The following TRIO variants were observed in gnomAD, a reference collection of about 807,000 sequenced individuals.
TRIO encodes trio Rho guanine nucleotide exchange factor, also known as triple functional domain protein.
TRIO carries 58 observed loss-of-function variants against 351.9 expected under a neutral mutation model. The observed-to-expected ratio is 0.16, with a 90% CI of 0.13 to 0.21. The LOEUF (loss-of-function observed/expected upper bound fraction) is 0.21, where lower values mean the gene tolerates loss of function less well. Ranked by LOEUF, TRIO falls within the 10% of genes least tolerant of loss-of-function variation. The pLI is 1.00. For synonymous variants in TRIO, 1,758 were observed against 1,595.7 expected (o/e 1.10, Z -2.42); for missense variants, 3,201 against 4,027.8 (o/e 0.79, Z 5.56).
At chr5:14,146,970 G>A (rs916402634) in intron 1 of TRIO, among the ~76,000 whole-genome samples, 1 of 152,130 alleles carries the variant, frequency 6.6e-6, no homozygotes, top group Non-Finnish European at 1.5e-5. Context: ...TATAGACCTG[G>A]CATGAAGCAG....
chr5:14,379,808 G>T (rs886773506), intron 20 of TRIO, among the ~76,000 whole-genome samples: 10 of 152,220 alleles, frequency 6.6e-5, no homozygotes, highest in Admixed American at 1.3e-4. Flanking sequence ...ATCCTGAAGT[G>T]CGTGCTGTTG....
At position 14,504,382 on chromosome 5, in the gene TRIO, A is replaced by G. The variant is rs750129783; in HGVS notation, c.8412-11A>G. On this transcript the variant is annotated splice_polypyrimidine_tract_variant and intron_variant, in intron 54 of 56. Transcript: ENST00000344204. ...AGCCTCTGCAAATGGTCCCCCTGAC[A>G]TATTTTACAGGGGCAGATTCTCTGT... 1.5e-5 allele frequency: 25 copies of G among 1,613,866 alleles called. No individual in the cohort carries two copies. In the East Asian group the frequency reaches 2.9e-4, roughly 19 times the overall value.
rs1791682405 is a variant in TRIO, at chr5:14,208,599, T to G, written c.158-62226T>G. ...AAAGCCTGAAGATGTCTCTGTGCTT[T>G]GAGTCCTTATGTAAGCAACTGTAAT... is the stretch of plus-strand genomic sequence containing the variant. On this transcript the variant is annotated intron_variant, in intron 1 of 56. Transcript: ENST00000344204. 4.6e-5 allele frequency among the ~76,000 whole-genome samples: 7 copies of G among 152,366 alleles called. No homozygotes were observed. In the South Asian group the frequency reaches 1.4e-3, roughly 32 times the overall value.
At chr5:14,150,837 G>T (rs1019999369) in intron 1 of TRIO, among the ~76,000 whole-genome samples, 1 of 152,146 alleles carries the variant, frequency 6.6e-6, no homozygotes, top group Non-Finnish European at 1.5e-5. Flanking sequence ...ATTGCCCGGG[G>T]GTGATCTAGG....
intron 11 of TRIO, among the ~76,000 whole-genome samples, chr5:14,343,384 C>T (rs1013630973): frequency 6.6e-6 from 1 of 152,264 alleles, no homozygotes; most frequent in Non-Finnish European, 1.5e-5. Flanking sequence ...GGGTTCCCTG[C>T]ACTGGCTTCC....
At chr5:14,173,511 C>T (rs1444769351) in intron 1 of TRIO, among the ~76,000 whole-genome samples, 1 of 152,110 alleles carries the variant, frequency 6.6e-6, no homozygotes, top group African/African-American at 2.4e-5. Flanking sequence ...CGCGCCTGGC[C>T]TGGTAATGTT....
chr5:14,156,984 A>G (rs192512031), intron 1 of TRIO, among the ~76,000 whole-genome samples: 4 of 152,350 alleles, frequency 2.6e-5, no homozygotes, highest in South Asian at 2.1e-4. Context: ...CTGTTGTGGG[A>G]AAAACAGTTT....
At chr5:14,212,230 A>G (rs1402375963) in intron 1 of TRIO, among the ~76,000 whole-genome samples, 3 of 152,186 alleles carry the variant, frequency 2.0e-5, no homozygotes, top group Non-Finnish European at 4.4e-5. Flanking sequence ...AATTATAAAC[A>G]GGTGGCATGG....
intron 34 of TRIO, chr5:14,441,078 G>C (rs906309016): frequency 6.6e-6 from 1 of 152,428 alleles, no homozygotes; most frequent in Non-Finnish European, 1.5e-5. Context: ...GCCGGCCGCT[G>C]AGCAACACGC....
At chr5:14,395,655 G>A (rs577769988) in intron 28 of TRIO, among the ~76,000 whole-genome samples, 3 of 152,338 alleles carry the variant, frequency 2.0e-5, no homozygotes, top group South Asian at 4.1e-4. Flanking sequence ...TTCCTCTCAA[G>A]TAACCACTGG....
intron 19 of TRIO, among the ~76,000 whole-genome samples, 176 bp downstream of exon 19, chr5:14,374,519 TATAGGTTGATATTATATTGA>T (rs1474782491): frequency 6.6e-6 from 1 of 152,224 alleles, no homozygotes; most frequent in African/African-American, 2.4e-5. Flanking sequence ...TAAACAAATT[TATAGGTTGATATTATATTGA>T]ATAGGTTGAT....
chr5:14,245,500 C>G (rs1249421479), intron 1 of TRIO, among the ~76,000 whole-genome samples: 2 of 152,168 alleles, frequency 1.3e-5, no homozygotes, highest in Non-Finnish European at 2.9e-5. Context: ...CAGCTGCTAA[C>G]AAAAAACTTG....
At chr5:14,470,726 T>C (rs936772199) in intron 37 of TRIO, among the ~76,000 whole-genome samples, 2 of 152,198 alleles carry the variant, frequency 1.3e-5, no homozygotes, top group Non-Finnish European at 2.9e-5. Context: ...GATTACTATT[T>C]TGTATAGAGG....
Position 14,203,405 on chromosome 5 carries a change from ACAT to A in TRIO, c.157+59533_157+59535del, listed in dbSNP as rs1358796893. On this transcript the variant is annotated intron_variant, in intron 1 of 56. Coordinates refer to ENST00000344204, the MANE Select transcript of TRIO (RefSeq NM_007118.4). ...GCAAGGACTACAAAAGCCTTACAAA[ACAT>A]CATCATCATTCTCACAGTATTTTTA... 2.0e-5 allele frequency among the ~76,000 whole-genome samples: 3 copies of A among 152,322 alleles called. No homozygotes were observed. The Middle Eastern group carries it at 0.01, about 518-fold the overall frequency.
chr5:14,343,372 A>G (rs1469179245), intron 11 of TRIO, among the ~76,000 whole-genome samples: 1 of 152,190 alleles, frequency 6.6e-6, no homozygotes, highest in Non-Finnish European at 1.5e-5. Flanking sequence ...CCCATCATCA[A>G]AGGGTTCCCT....
chr5:14,317,459 G>T (rs1008518015), intron 9 of TRIO, among the ~76,000 whole-genome samples: 1 of 152,156 alleles, frequency 6.6e-6, no homozygotes, highest in Non-Finnish European at 1.5e-5. Flanking sequence ...GAGTATGCAG[G>T]GTAGCCCATG....
In TRIO at chr5:14,293,040, G is replaced by T. The variant is rs751661847; in HGVS notation, c.1082G>T (p.Gly361Val). ...TTTGACTGGATCACACACAACAAAG[G>T]CCTGTTTCTAAACAGCTACACAGAG... is the stretch of plus-strand genomic sequence containing the variant. ...KMFDWITHNK[G>V]LFLNSYTEIG... The change falls in exon 6 of 57, where the codon GGC (glycine) becomes GTC (valine). Residue 361 changes from glycine to valine, a missense_variant. By Grantham distance (109) the Gly-to-Val change is moderately radical (BLOSUM62 -3). Transcript: ENST00000344204. 14 of 1,613,988 alleles carry T rather than the reference G, an allele frequency of 8.7e-6. No homozygotes were observed. The highest frequency in any genetic ancestry group is 1.6e-4 in the Middle Eastern group (1 of 6,084).
At chr5:14,354,835 G>A (rs1394520036) in intron 11 of TRIO, among the ~76,000 whole-genome samples, 7 of 152,174 alleles carry the variant, frequency 4.6e-5, no homozygotes, top group African/African-American at 1.4e-4. Context: ...CAGGGGACCC[G>A]GGAATACTCC....
chr5:14,168,359 G>A (rs1012318378), intron 1 of TRIO, among the ~76,000 whole-genome samples: 3 of 152,198 alleles, frequency 2.0e-5, no homozygotes, highest in African/African-American at 7.2e-5. Context: ...CCCCAAATAG[G>A]GAGGTCCCAC....
Sources: gnomAD v4.1 joint callset for allele counts (sites outside exome capture counted in the v4.1 genomes callset) on GRCh38, gnomAD v4.1.1 for gene constraint, MANE v1.5 for transcripts, NCBI Gene and HGNC (gene_info 2026-07-23, HGNC 2026-07-21) for gene names.